The following PDS5B variants were observed in gnomAD, a reference collection of about 807,000 sequenced individuals.
PDS5B encodes PDS5 cohesin associated factor B.
A neutral mutation model predicts 184.1 loss-of-function variants in PDS5B; 51 were observed. The ratio of observed to expected loss-of-function variants is 0.28; its 90% CI spans 0.22 to 0.35. PDS5B has a LOEUF of 0.35. PDS5B is among the 10% of genes least tolerant of loss of function. The probability of loss-of-function intolerance (pLI) is 1.00; values close to 1 mark genes in which losing one functional copy is unlikely to be tolerated. For missense variants in PDS5B, 1,180 were observed against 1,723.3 expected (o/e 0.68, Z 5.58); for synonymous variants, 566 against 569.2 (o/e 0.99, Z 0.08).
rs150733099 is a variant in PDS5B at position 32,602,121 on chromosome 13, C to T, written c.-20+15528C>T. 2.4e-3 allele frequency among the ~76,000 whole-genome samples: 360 copies of T among 151,606 alleles called. 1 individual carries two copies. The highest frequency in any genetic ancestry group is 8.5e-3 in the African/African-American group (349 of 41,284). On this transcript the variant is annotated intron_variant, in intron 1 of 34. Coordinates refer to ENST00000315596, the MANE Select transcript of PDS5B (RefSeq NM_015032.4). ...TTTTTTTAAAATTATACTTTAAGTGCTAGGGTACATGTGCACAGCGTGCAG... is the reference window on the plus strand; with the variant it reads ...TTTTTTTAAAATTATACTTTAAGTGTTAGGGTACATGTGCACAGCGTGCAG...
rs1412182066 is a variant in PDS5B at position 32,617,846 on chromosome 13, A to G, written c.-19-30908A>G. Among the ~76,000 whole-genome samples the G allele has an allele frequency of 5.3e-5, 8 of 152,114 alleles. No individual in the cohort carries two copies. In the East Asian group the frequency reaches 1.5e-3, roughly 29 times the overall value. ...TTTTTCATCATTATGTATGTTCTTT[A>G]TATATTCTGATTACTAACTTAGTCC... On this transcript the variant is annotated intron_variant, in intron 1 of 34. Coordinates refer to ENST00000315596, the MANE Select transcript of PDS5B (RefSeq NM_015032.4).
At chr13:32,719,508 C>T (rs1431433488) in intron 19 of PDS5B, among the ~76,000 whole-genome samples, 2 of 151,624 alleles carry the variant, frequency 1.3e-5, no homozygotes, top group African/African-American at 4.8e-5. Context: ...TTAAAAAATT[C>T]ATTTGTTGCA....
chr13:32,648,675 G>T, intron 1 of PDS5B, 79 bp from the exon 2 acceptor site: 1 of 643,024 alleles, frequency 1.6e-6, no homozygotes, highest in Non-Finnish European at 2.8e-6. Flanking sequence ...TTTGGTTGGT[G>T]GGGAAGGTTA....
At chr13:32,662,581 A>C (rs1037424330) in intron 6 of PDS5B, among the ~76,000 whole-genome samples, 1 of 152,180 alleles carries the variant, frequency 6.6e-6, no homozygotes, top group African/African-American at 2.4e-5. Context: ...CAAGCATGTA[A>C]TCTGACAAAA....
chr13:32,684,828 T>C (rs917422145), intron 11 of PDS5B, among the ~76,000 whole-genome samples: 3 of 152,172 alleles, frequency 2.0e-5, no homozygotes, highest in Admixed American at 2.0e-4. Context: ...TTTAAAACTT[T>C]GTAGGCCAGG....
chr13:32,688,340 A>T (rs910568383), intron 12 of PDS5B, 116 bp from the exon 13 acceptor site: 3 of 554,260 alleles, frequency 5.4e-6, no homozygotes, highest in Admixed American at 3.4e-5. Flanking sequence ...TCTCATTTCC[A>T]CTTAGAGCGG....
intron 33 of PDS5B, among the ~76,000 whole-genome samples, chr13:32,772,023 T>C (rs1490956613): frequency 1.3e-5 from 2 of 152,100 alleles, no homozygotes; most frequent in East Asian, 3.8e-4. Flanking sequence ...TGGGAAGCTC[T>C]TTCTAGAGCT....
intron 19 of PDS5B, among the ~76,000 whole-genome samples, chr13:32,711,605 G>A (rs556118163): frequency 7.9e-5 from 12 of 152,160 alleles, no homozygotes; most frequent in East Asian, 3.9e-4. Context: ...TGATCTGCCC[G>A]CTTCCGCCTC....
At chr13:32,679,956 G>A (rs1249706135) in intron 10 of PDS5B, among the ~76,000 whole-genome samples, 1 of 150,988 alleles carries the variant, frequency 6.6e-6, no homozygotes, top group African/African-American at 2.4e-5. Context: ...CTTTTTCTCT[G>A]GATGTTCCTT....
At position 32,710,034 on chromosome 13, in the gene PDS5B, T is replaced by G. The variant is rs757080546; in HGVS notation, c.2051T>G (p.Val684Gly). ...TGTCTGAAAATGGATGATGAAAAAG[T>G]AGCAGAAGCTGCACTACAAATTTTC... ...LACLKMDDEK[V>G]AEAALQIFKN... The change falls in exon 19 of 35, where the codon GTA (valine) becomes GGA (glycine). Residue 684 changes from valine to glycine, a missense_variant. By Grantham distance (109) the Val-to-Gly change is moderately radical (BLOSUM62 -3). Transcript: ENST00000315596. The G allele has an allele frequency of 1.9e-6, 3 of 1,548,286 alleles. No homozygotes were observed. Among genetic ancestry groups the G allele is most frequent in the Non-Finnish European group, 2.6e-6 (3 of 1,137,338 alleles).
chr13:32,621,845 A>T (rs1447564465), intron 1 of PDS5B, among the ~76,000 whole-genome samples: 9 of 152,156 alleles, frequency 5.9e-5, no homozygotes, highest in Non-Finnish European at 1.2e-4. Context: ...AAATGCAGAG[A>T]TGAGTAGTTA....
At chr13:32,620,931 A>C (rs1390837391) in intron 1 of PDS5B, among the ~76,000 whole-genome samples, 1 of 152,248 alleles carries the variant, frequency 6.6e-6, no homozygotes, top group East Asian at 1.9e-4. Flanking sequence ...GAGTAAACCA[A>C]GCTTGGTTGG....
intron 6 of PDS5B, among the ~76,000 whole-genome samples, chr13:32,661,417 A>C (rs200630196): frequency 1.6e-3 from 235 of 149,784 alleles, no homozygotes; most frequent in Non-Finnish European, 2.8e-3. Flanking sequence ...AAAACAGAAA[A>C]AGAAAAAGAA....
At chr13:32,728,536 C>G (rs1294323614) in intron 19 of PDS5B, among the ~76,000 whole-genome samples, 2 of 152,176 alleles carry the variant, frequency 1.3e-5, no homozygotes, top group African/African-American at 4.8e-5. Context: ...CTGCCTTTCC[C>G]TTTGTAACTC....
intron 1 of PDS5B, among the ~76,000 whole-genome samples, chr13:32,593,188 A>C (rs1468931422): frequency 1.3e-5 from 2 of 152,178 alleles, no homozygotes; most frequent in Non-Finnish European, 2.9e-5. Context: ...AAAGGCTACA[A>C]AATTTAGCTA....
rs570141400 is a variant in PDS5B at position 32,770,947 on chromosome 13, C to T, written c.4172+186C>T. The T allele has an allele frequency of 1.9e-5, 11 of 584,670 alleles. No individual in the cohort carries two copies. In the Admixed American group the frequency reaches 2.2e-4, roughly 12 times the overall value. 36.2% of individuals were successfully genotyped at this position (584,670 alleles called of 1,614,324 possible). Reference sequence around the variant, plus strand: ...CAATAAACTATCTTGTACATTTTTACAGGTGCAGGCAAATCTTCATAAATG... The same window carrying T: ...CAATAAACTATCTTGTACATTTTTATAGGTGCAGGCAAATCTTCATAAATG... On this transcript the variant is annotated intron_variant, in intron 33 of 34. Coordinates refer to ENST00000315596, the MANE Select transcript of PDS5B (RefSeq NM_015032.4).
intron 3 of PDS5B, among the ~76,000 whole-genome samples, 176 bp from the exon 4 acceptor site, chr13:32,658,063 T>C (rs1052956573): frequency 1.3e-5 from 2 of 152,194 alleles, no homozygotes; most frequent in African/African-American, 4.8e-5. Flanking sequence ...AGATATTTAA[T>C]GTTGTTCATA....
At position 32,701,324 on chromosome 13, in the gene PDS5B, G is replaced by A. The variant is rs755726788; in HGVS notation, c.1742G>A (p.Arg581His). ...CSCKQAEGCV[R>H]EITKKLGNPK... ...ATACTGAAATAATCTGTATTACAGCGTGAAATAACTAAGAAGTTGGGCAAC... is the reference window on the plus strand; with the variant it reads ...ATACTGAAATAATCTGTATTACAGCATGAAATAACTAAGAAGTTGGGCAAC... Residue 581 changes from arginine to histidine, a missense_variant and splice_region_variant, in exon 17 of 35, where the codon CGT becomes CAT. Arg to His is a conservative substitution (Grantham distance 29). Around this residue, in one of 11 missense-constraint regions of PDS5B, gnomAD observed 475 missense variants for 691.5 expected, o/e 0.69. Transcript: ENST00000315596. 6.6e-6 allele frequency: 10 copies of A among 1,525,624 alleles called. No homozygotes were observed. The highest frequency in any genetic ancestry group is 8.2e-6 in the Non-Finnish European group (9 of 1,100,702). The allele number at this position is 1,525,624 out of a possible 1,614,324, so 94.5% of individuals were successfully genotyped here. A position where few individuals can be genotyped will look rare whatever the true frequency, so the allele number is the denominator to read the frequency against.
chr13:32,734,656 A>T (rs1457775836), intron 20 of PDS5B, among the ~76,000 whole-genome samples: 1 of 152,194 alleles, frequency 6.6e-6, no homozygotes, highest in African/African-American at 2.4e-5. Flanking sequence ...CAAGCCAGCC[A>T]GTGAGTAGAG....
Sources: gnomAD v4.1 joint callset for allele counts (sites outside exome capture counted in the v4.1 genomes callset) on GRCh38, gnomAD v4.1.1 for gene constraint, gnomAD v4.1.1 regional missense constraint, MANE v1.5 for transcripts, NCBI Gene and HGNC (gene_info 2026-07-23, HGNC 2026-07-21) for gene names.